The following GATAD2A variants were observed in gnomAD, a reference collection of about 807,000 sequenced individuals.
The protein encoded by GATAD2A is GATA zinc finger domain containing 2A.
Under a neutral mutation model 68.5 loss-of-function variants are expected in GATAD2A, and 12 were observed. That is an observed-to-expected ratio of 0.18 (90% CI 0.11 to 0.28). The LOEUF is 0.28. Among genes scored for constraint, GATAD2A ranks in the 10% least tolerant of loss-of-function variants. The pLI is 1.00. For missense variants in GATAD2A, 755 were observed against 868.5 expected, an observed-to-expected ratio of 0.87 and a Z score of 1.64; for synonymous variants, 410 against 375.3, an observed-to-expected ratio of 1.09 and a Z score of -1.07.
intron 1 of GATAD2A, among the ~76,000 whole-genome samples, chr19:19,415,687 G>A (rs1186231332): frequency 7.4e-6 from 1 of 134,260 alleles, no homozygotes; most frequent in Non-Finnish European, 1.5e-5. Flanking sequence ...GCATGTTCTT[G>A]GCTCACTGCA....
intron 1 of GATAD2A, among the ~76,000 whole-genome samples, chr19:19,459,006 A>G (rs760591120): frequency 1.3e-5 from 2 of 151,972 alleles, no homozygotes; most frequent in Non-Finnish European, 2.9e-5. Flanking sequence ...TGGCCTCACT[A>G]TGTTGCCCAG....
In GATAD2A at chr19:19,506,801, C is replaced by T. The variant is rs866534989; in HGVS notation, c.*1327C>T. On this transcript the variant is annotated 3_prime_UTR_variant, in exon 12 of 12. Coordinates refer to ENST00000683918, the MANE Select transcript of GATAD2A (RefSeq NM_001384528.1). ...GCTTCATGCCAGTGCGAGGGCGTCC[C>T]GTGCCCACGTACATACGTATGTCTC... is the stretch of plus-strand genomic sequence containing the variant. The T allele has an allele frequency of 2.0e-5, 3 of 152,218 alleles. No individual in the cohort carries two copies. The highest frequency in any genetic ancestry group is 1.3e-4 in the Admixed American group (2 of 15,274). 9.4% of individuals were successfully genotyped at this position (152,218 alleles called of 1,614,324 possible). A position where few individuals can be genotyped will look rare whatever the true frequency, so the allele number is the denominator to read the frequency against.
Position 19,465,335 on chromosome 19 carries a change from C to T in GATAD2A, c.-6-5C>T, listed in dbSNP as rs1427353252. The T allele has an allele frequency of 3.7e-6, 6 of 1,612,612 alleles. No individual in the cohort carries two copies. Among genetic ancestry groups the T allele is most frequent in the Non-Finnish European group, 5.1e-6 (6 of 1,178,712 alleles). ...AAAATGTTGTGTCTTCTCCTCCCTC[C>T]CAAGTTCAGAATGACCGAAGAAGCA... is the stretch of plus-strand genomic sequence containing the variant. On this transcript the variant is annotated splice_polypyrimidine_tract_variant and splice_region_variant and intron_variant, in intron 1 of 11. Transcript: ENST00000683918.
At chr19:19,495,906 G>T in intron 6 of GATAD2A, 21 bp downstream of exon 6, 14 of 1,603,708 alleles carry the variant, frequency 8.7e-6, no homozygotes, top group Non-Finnish European at 1.2e-5. Context: ...CTGTGCACAT[G>T]GGGGAGACCT....
At chr19:19,400,158 G>A (rs1217423581) in intron 1 of GATAD2A, among the ~76,000 whole-genome samples, 1 of 152,154 alleles carries the variant, frequency 6.6e-6, no homozygotes, top group Non-Finnish European at 1.5e-5. Flanking sequence ...TGAAGACAGA[G>A]TGGGAGATAC....
Position 19,429,337 on chromosome 19 carries a change from C to T in GATAD2A, c.-7+23318C>T, listed in dbSNP as rs78214315. On this transcript the variant is annotated intron_variant, in intron 1 of 11. Transcript: ENST00000683918. ...GGAGGGGCTCTCCTGGCCATGGGAA[C>T]GGTGCGTGCAAAGGTCTGGCACGGG... 1.7e-3 allele frequency: 961 copies of T among 575,960 alleles called. 27 individuals are homozygous for T. The East Asian group carries it at 0.08, about 48-fold the overall frequency. 35.7% of individuals were successfully genotyped at this position (575,960 alleles called of 1,614,324 possible).
At chr19:19,445,801 T>C (rs543762096) in intron 1 of GATAD2A, among the ~76,000 whole-genome samples, 6 of 152,274 alleles carry the variant, frequency 3.9e-5, no homozygotes, top group Non-Finnish European at 8.8e-5. Flanking sequence ...CCACATTTTG[T>C]TTATCCATTC....
chr19:19,420,498 A>ATTT (rs34881322), intron 1 of GATAD2A, among the ~76,000 whole-genome samples: 1 of 126,276 alleles, frequency 7.9e-6, no homozygotes, highest in African/African-American at 3.0e-5. Flanking sequence ...CGCCTGGCCA[A>ATTT]TTTTTTTTTT....
chr19:19,466,863 G>A (rs2148035074), intron 2 of GATAD2A, among the ~76,000 whole-genome samples: 1 of 152,320 alleles, frequency 6.6e-6, no homozygotes, highest in African/African-American at 2.4e-5. Flanking sequence ...TTTTCAGCCA[G>A]AGACCAGTCC....
intron 2 of GATAD2A, among the ~76,000 whole-genome samples, chr19:19,490,101 G>A (rs1328530462): frequency 1.3e-5 from 2 of 152,194 alleles, no homozygotes; most frequent in Non-Finnish European, 2.9e-5. Context: ...TTCAGAATGT[G>A]GGCTGATAAC....
intron 1 of GATAD2A, among the ~76,000 whole-genome samples, chr19:19,396,735 G>A (rs1379570586): frequency 2.6e-5 from 4 of 151,964 alleles, no homozygotes; most frequent in Admixed American, 2.6e-4. Context: ...TTTTGAGACA[G>A]TCTCGCTATG....
intron 1 of GATAD2A, among the ~76,000 whole-genome samples, chr19:19,435,591 T>G (rs2054244858): frequency 6.6e-6 from 1 of 152,176 alleles, no homozygotes. Context: ...GGCTCATGCC[T>G]GTAATCCTAG....
chr19:19,489,187 G>T (rs1027453635), intron 2 of GATAD2A, among the ~76,000 whole-genome samples: 3 of 152,238 alleles, frequency 2.0e-5, no homozygotes, highest in South Asian at 2.1e-4. Flanking sequence ...GCTGTGTGCG[G>T]TGTATGTAGA....
chr19:19,419,401 C>T (rs78150994), intron 1 of GATAD2A, among the ~76,000 whole-genome samples: 21 of 152,092 alleles, frequency 1.4e-4, no homozygotes, highest in Admixed American at 1.4e-3. Context: ...GTTTCCATGC[C>T]TTCTACAGCT....
intron 2 of GATAD2A, chr19:19,472,520 G>C (rs1390121609): frequency 6.6e-6 from 1 of 150,726 alleles, no homozygotes; most frequent in Non-Finnish European, 1.5e-5. Context: ...TTTTAGTAGA[G>C]ACAGGGTTTC....
At chr19:19,429,847 G>A (rs542043960) in intron 1 of GATAD2A, among the ~76,000 whole-genome samples, 3 of 152,122 alleles carry the variant, frequency 2.0e-5, no homozygotes, top group South Asian at 2.1e-4. Flanking sequence ...CTGATTCTCC[G>A]CATCTCTAGT....
intron 1 of GATAD2A, among the ~76,000 whole-genome samples, chr19:19,463,877 T>G (rs114120136): frequency 0.014 from 2,160 of 152,310 alleles, 56 homozygotes; most frequent in African/African-American, 0.049. Flanking sequence ...TCCAGGAGCG[T>G]GAAGCAGCTG....
chr19:19,475,720 G>A (rs765027961), intron 2 of GATAD2A, among the ~76,000 whole-genome samples: 16 of 152,118 alleles, frequency 1.1e-4, no homozygotes, highest in Non-Finnish European at 1.6e-4. Flanking sequence ...CCCTGCCTTA[G>A]CCGCTGCCCC....
chr19:19,437,116 C>T (rs979805853), intron 1 of GATAD2A, among the ~76,000 whole-genome samples: 18 of 152,152 alleles, frequency 1.2e-4, no homozygotes, highest in African/African-American at 2.9e-4. Context: ...ATGAAACTTT[C>T]GTGGTACTTA....
Sources: gnomAD v4.1 joint callset for allele counts (sites outside exome capture counted in the v4.1 genomes callset) on GRCh38, gnomAD v4.1.1 for gene constraint, MANE v1.5 for transcripts, NCBI Gene and HGNC (gene_info 2026-07-23, HGNC 2026-07-21) for gene names.